ROBO2: variants seen among roughly 807,000 people sequenced by gnomAD.
The protein encoded by ROBO2 is roundabout homolog 2.
Under a neutral mutation model 160.8 loss-of-function variants are expected in ROBO2, and 53 were observed. The observed-to-expected ratio is 0.33, with a 90% confidence interval of 0.26 to 0.41. The LOEUF is 0.41. ROBO2 is among the 10% of genes least tolerant of loss of function. The probability of loss-of-function intolerance (pLI) is 1.00; values close to 1 mark genes in which losing one functional copy is unlikely to be tolerated. For synonymous variants in ROBO2, 664 were observed against 611.7 expected (o/e 1.09, Z -1.26); for missense variants, 1,577 against 1,722.4 (o/e 0.92, Z 1.49).
At chr3:76,642,700 C>A (rs1329515436) in intron 2 of ROBO2, among the ~76,000 whole-genome samples, 2 of 152,032 alleles carry the variant, frequency 1.3e-5, no homozygotes, top group African/African-American at 4.8e-5. Context: ...TACAACATTA[C>A]ATAAAACATA....
At chr3:76,658,086 AAATAAATAAAT>A (rs1289924873) in intron 2 of ROBO2, among the ~76,000 whole-genome samples, 49 of 147,232 alleles carry the variant, frequency 3.3e-4, no homozygotes, top group Non-Finnish European at 6.4e-4. Context: ...ATAAATAAAT[AAATAAATAAAT>A]AAATAAATAA....
chr3:76,810,468 T>A (rs1005575169), intron 2 of ROBO2, among the ~76,000 whole-genome samples: 9 of 152,170 alleles, frequency 5.9e-5, no homozygotes, highest in Admixed American at 4.6e-4. Flanking sequence ...TTTGGGAAGG[T>A]AGGTGCACTT....
intron 1 of ROBO2, among the ~76,000 whole-genome samples, chr3:77,064,829 T>C (rs889325708): frequency 1.3e-5 from 2 of 152,194 alleles, no homozygotes; most frequent in Admixed American, 1.3e-4. Context: ...ATGAATTATT[T>C]TCTATGACAA....
rs1423945765 is a variant in ROBO2, at chr3:76,027,134, T to TACCCTTTTGTTG, written c.109+89535_109+89546dup. 5.3e-5 allele frequency among the ~76,000 whole-genome samples: 8 copies of TACCCTTTTGTTG among 152,150 alleles called. No individual in the cohort carries two copies. The East Asian group carries it at 1.4e-3, about 26-fold the overall frequency. On this transcript the variant is annotated intron_variant, in intron 2 of 26. Coordinates refer to the ROBO2 transcript ENST00000487694. ...TATTTTTTCTTCTTCATGTCACATT[T>TACCCTTTTGTTG]ACCCTTTTGTTGACTGTAAAGAAAT...
chr3:76,355,350 T>C (rs1485614968), intron 2 of ROBO2, among the ~76,000 whole-genome samples: 1 of 151,804 alleles, frequency 6.6e-6, no homozygotes, highest in Non-Finnish European at 1.5e-5. Flanking sequence ...TCTATTATTA[T>C]TATTTCATCT....
chr3:76,982,887 T>C (rs1458732154), intron 2 of ROBO2, among the ~76,000 whole-genome samples: 1 of 152,184 alleles, frequency 6.6e-6, no homozygotes, highest in East Asian at 1.9e-4. Flanking sequence ...CTTATTTTTA[T>C]TTATGTGAAT....
chr3:76,449,111 A>G (rs2077343773), intron 2 of ROBO2, among the ~76,000 whole-genome samples: 1 of 152,220 alleles, frequency 6.6e-6, no homozygotes, highest in Admixed American at 6.5e-5. Flanking sequence ...GTAATGGAAC[A>G]GGGTTCTCCA....
intron 2 of ROBO2, among the ~76,000 whole-genome samples, chr3:76,794,337 T>C (rs2063552707): frequency 6.6e-6 from 1 of 152,116 alleles, no homozygotes; most frequent in African/African-American, 2.4e-5. Context: ...TTAAAGTTTA[T>C]TCTAAATTTA....
At chr3:76,955,118 A>G (rs1162903868) in intron 2 of ROBO2, among the ~76,000 whole-genome samples, 1 of 152,210 alleles carries the variant, frequency 6.6e-6, no homozygotes, top group Non-Finnish European at 1.5e-5. Flanking sequence ...GTGGAATCAT[A>G]TAATATTTGC....
At chr3:76,624,759 T>G (rs1485166328) in intron 2 of ROBO2, among the ~76,000 whole-genome samples, 1 of 120,384 alleles carries the variant, frequency 8.3e-6, no homozygotes, top group Non-Finnish European at 1.6e-5. Flanking sequence ...GATCGCGCTA[T>G]TCTTTCCAGC....
At chr3:76,392,217 A>T (rs1350211660) in intron 2 of ROBO2, among the ~76,000 whole-genome samples, 1 of 152,214 alleles carries the variant, frequency 6.6e-6, no homozygotes, top group Non-Finnish European at 1.5e-5. Flanking sequence ...TTTTGGCTAA[A>T]TTATTGCAAT....
chr3:76,081,705 A>T (rs1019072778), intron 2 of ROBO2, among the ~76,000 whole-genome samples: 3 of 152,056 alleles, frequency 2.0e-5, no homozygotes, highest in East Asian at 3.9e-4. Flanking sequence ...AGATGTTCTC[A>T]TTTCTCTTGA....
intron 2 of ROBO2, among the ~76,000 whole-genome samples, chr3:76,916,004 T>C (rs887633972): frequency 3.3e-5 from 5 of 152,134 alleles, no homozygotes; most frequent in African/African-American, 1.2e-4. Flanking sequence ...CCCAGTCACA[T>C]GGGCTCCACC....
At chr3:77,565,779 C>A (rs2093462756) in intron 12 of ROBO2, among the ~76,000 whole-genome samples, 1 of 152,016 alleles carries the variant, frequency 6.6e-6, no homozygotes, top group Admixed American at 6.6e-5. Context: ...GAACTCAATT[C>A]TTTCGACTAT....
chr3:77,057,956 G>A (rs1012135641), intron 1 of ROBO2, among the ~76,000 whole-genome samples: 4 of 151,934 alleles, frequency 2.6e-5, no homozygotes, highest in Admixed American at 6.6e-5. Context: ...AAAGCTGCAC[G>A]TTCTGCACAT....
chr3:76,858,758 C>G (rs1032749601), intron 2 of ROBO2, among the ~76,000 whole-genome samples: 3 of 152,090 alleles, frequency 2.0e-5, no homozygotes, highest in African/African-American at 7.2e-5. Context: ...TTAGGAAAAC[C>G]AAGACAATGA....
At chr3:76,797,996 A>T (rs2108804311) in intron 2 of ROBO2, among the ~76,000 whole-genome samples, 1 of 151,798 alleles carries the variant, frequency 6.6e-6, no homozygotes, top group South Asian at 2.1e-4. Flanking sequence ...CCAAATACCA[A>T]ATCCTACCCA....
At chr3:76,618,491 A>G (rs1388327735) in intron 2 of ROBO2, among the ~76,000 whole-genome samples, 2 of 151,000 alleles carry the variant, frequency 1.3e-5, no homozygotes, top group South Asian at 2.1e-4. Flanking sequence ...AATTATATAT[A>G]TAATTTTCTC....
intron 2 of ROBO2, among the ~76,000 whole-genome samples, chr3:76,019,934 A>G (rs2066524115): frequency 1.4e-5 from 2 of 147,334 alleles, no homozygotes; most frequent in South Asian, 4.4e-4. Context: ...AGAATACTGT[A>G]TATTCCTTGG....
Sources: allele counts gnomAD v4.1 joint callset (sites outside exome capture counted in the v4.1 genomes callset), GRCh38; gene constraint gnomAD v4.1.1; transcripts MANE v1.5; gene names NCBI Gene and HGNC (gene_info 2026-07-23, HGNC 2026-07-21).